PCDHGB2: variants seen among roughly 807,000 people sequenced by gnomAD.
PCDHGB2 encodes the protein protocadherin gamma-B2.
Under a neutral mutation model 59.3 loss-of-function variants are expected in PCDHGB2, and 55 were observed. The ratio of observed to expected loss-of-function variants is 0.93; its 90% CI spans 0.75 to 1.16. PCDHGB2 has a LOEUF of 1.16. Among genes scored for constraint, PCDHGB2 ranks in the 50% most tolerant of loss-of-function variants. The pLI is 0.00. For missense variants in PCDHGB2, 1,228 were observed against 1,198.5 expected, an observed-to-expected ratio of 1.02 and a Z score of -0.36; for synonymous variants, 516 against 512.0, an observed-to-expected ratio of 1.01 and a Z score of -0.11.
At chr5:141,438,583 CATACATACATATATATATATATATATAT>C (rs1227221577) in intron 1 of PCDHGB2, among the ~76,000 whole-genome samples, 1 of 57,610 alleles carries the variant, frequency 1.7e-5, no homozygotes, top group African/African-American at 9.0e-5. Flanking sequence ...TACATACATA[CATACATACATATATATATATATATATAT>C]ATATATATAT....
chr5:141,490,396 A>G lies in PCDHGB2; in HGVS notation c.2422-4411A>G. ...GGACTCAGGTAGAAATGGTGAAGTGAGCCTTGATATCTCTCCGGACCTGCC... is the reference window on the plus strand; with the variant it reads ...GGACTCAGGTAGAAATGGTGAAGTGGGCCTTGATATCTCTCCGGACCTGCC... On this transcript the variant is annotated intron_variant, in intron 1 of 3. Coordinates refer to ENST00000522605, the MANE Select transcript of PCDHGB2 (RefSeq NM_018923.3). The surrounding 1 kb of genome is among the most constrained non-coding windows in gnomAD (Gnocchi z 5.4). 1 of 1,614,146 alleles carries G rather than the reference A, an allele frequency of 6.2e-7. No homozygotes were observed. The highest frequency in any genetic ancestry group is 8.5e-7 in the Non-Finnish European group (1 of 1,180,030).
chr5:141,446,275 A>G (rs1229842331), intron 1 of PCDHGB2, among the ~76,000 whole-genome samples: 1 of 152,156 alleles, frequency 6.6e-6, no homozygotes, highest in African/African-American at 2.4e-5. Flanking sequence ...GAATAAATAC[A>G]ATGGATAAAT....
chr5:141,364,733 G>A (rs536236780), intron 1 of PCDHGB2: 54 of 1,613,954 alleles, frequency 3.3e-5, no homozygotes, highest in East Asian at 2.2e-4. Context: ...GCGTTTCCGG[G>A]ATGAAGAGTT....
At position 141,423,166 on chromosome 5, in the gene PCDHGB2, G is replaced by A. The variant is rs367805855; in HGVS notation, c.2421+60610G>A. ...GCTCAAGCAGAGCCTCGTGGTGGCC[G>A]TCCAGGACCACGGCCAGCCCCCTCT... On this transcript the variant is annotated intron_variant, in intron 1 of 3. Transcript: ENST00000522605. 2.4e-5 allele frequency: 38 copies of A among 1,613,476 alleles called. No individual in the cohort carries two copies. The South Asian group carries it at 2.5e-4, about 11-fold the overall frequency.
intron 1 of PCDHGB2, chr5:141,365,767 C>T (rs775369116): frequency 2.5e-6 from 4 of 1,613,718 alleles, no homozygotes; most frequent in Non-Finnish European, 2.5e-6. Flanking sequence ...CCCATGACCC[C>T]GACAGCGGCG....
In PCDHGB2 at chr5:141,375,951, C is replaced by T. The variant is rs767101939; in HGVS notation, c.2421+13395C>T. 10 of 1,613,526 alleles carry T rather than the reference C, an allele frequency of 6.2e-6. No individual in the cohort carries two copies. The Admixed American group carries it at 1.5e-4, about 24-fold the overall frequency. ...GGACTTTTCTCAGTGGGCCTGCACA[C>T]GGGCGAGGTGCGCACGGCGCGCGCC... On this transcript the variant is annotated intron_variant, in intron 1 of 3. Transcript: ENST00000522605.
intron 1 of PCDHGB2, chr5:141,376,559 C>A (rs758448085): frequency 2.3e-5 from 37 of 1,609,380 alleles, no homozygotes; most frequent in Admixed American, 6.7e-5. Flanking sequence ...TCCCGCAACC[C>A]AACTAATCAG....
intron 2 of PCDHGB2, among the ~76,000 whole-genome samples, chr5:141,504,259 G>A (rs1325093588): frequency 6.6e-6 from 1 of 152,126 alleles, no homozygotes; most frequent in Non-Finnish European, 1.5e-5. Flanking sequence ...TTATGGTTTA[G>A]TATTTTTTTA....
intron 1 of PCDHGB2, among the ~76,000 whole-genome samples, chr5:141,462,769 G>T (rs1462290112): frequency 6.6e-6 from 1 of 151,956 alleles, no homozygotes; most frequent in African/African-American, 2.4e-5. Flanking sequence ...TCCTGGCTTG[G>T]GGTCATAATT....
chr5:141,418,938 C>G, intron 1 of PCDHGB2: 1 of 1,613,738 alleles, frequency 6.2e-7, no homozygotes, highest in Non-Finnish European at 8.5e-7. Flanking sequence ...ATGGAGGATT[C>G]CCCTCCAGGA....
At chr5:141,427,889 G>C in intron 1 of PCDHGB2, 1 of 1,566,516 alleles carries the variant, frequency 6.4e-7, no homozygotes, top group South Asian at 1.1e-5. Flanking sequence ...CCCACGACCA[G>C]GGCTCGCCCG....
At chr5:141,413,219 G>C in intron 1 of PCDHGB2, 1 of 1,613,506 alleles carries the variant, frequency 6.2e-7, no homozygotes, top group Non-Finnish European at 8.5e-7. Context: ...AAGGATTGCA[G>C]CGGGCTGGTC....
At chr5:141,365,475 T>C in intron 1 of PCDHGB2, 1 of 1,613,978 alleles carries the variant, frequency 6.2e-7, no homozygotes, top group Non-Finnish European at 8.5e-7. Flanking sequence ...AATGGTGAGA[T>C]TGCATGCTCT....
intron 1 of PCDHGB2, among the ~76,000 whole-genome samples, chr5:141,461,819 A>G (rs573339238): frequency 1.3e-5 from 2 of 149,282 alleles, no homozygotes; most frequent in African/African-American, 2.5e-5. Flanking sequence ...ACACCCAGCT[A>G]ATTTTTTTTT....
At chr5:141,377,431 A>T (rs1773974129) in intron 1 of PCDHGB2, 1 of 152,002 alleles carries the variant, frequency 6.6e-6, no homozygotes, top group East Asian at 1.9e-4. Context: ...CTCTGTCTCT[A>T]CCAAAAAGAA....
intron 1 of PCDHGB2, chr5:141,399,103 C>CA (rs755732381): frequency 6.2e-7 from 1 of 1,613,604 alleles, no homozygotes; most frequent in African/African-American, 1.3e-5. Context: ...ACTGGTTGCA[C>CA]AATGTACAGT....
intron 1 of PCDHGB2, among the ~76,000 whole-genome samples, chr5:141,368,609 A>T (rs917384420): frequency 1.3e-5 from 2 of 152,154 alleles, no homozygotes; most frequent in African/African-American, 4.8e-5. Context: ...AAGGTTATAG[A>T]TTTGGGTACA....
At chr5:141,399,146 G>C (rs758823968) in intron 1 of PCDHGB2, 1 of 1,613,792 alleles carries the variant, frequency 6.2e-7, no homozygotes, top group South Asian at 1.1e-5. Context: ...AATGACAATA[G>C]CCCAGAAGTT....
chr5:141,422,703 G>A (rs1473348513), intron 1 of PCDHGB2: 1 of 1,603,132 alleles, frequency 6.2e-7, no homozygotes, highest in Admixed American at 1.7e-5. Context: ...CTTACTCTCT[G>A]ACGGATGACA....
Sources: allele counts gnomAD v4.1 joint callset (sites outside exome capture counted in the v4.1 genomes callset), GRCh38; gene constraint gnomAD v4.1.1; non-coding constraint Gnocchi (gnomAD v3.1); transcripts MANE v1.5; gene names NCBI Gene and HGNC (gene_info 2026-07-23, HGNC 2026-07-21).